FGF10: variants seen among roughly 807,000 people sequenced by gnomAD.
FGF10 encodes the protein FGF-10.
In FGF10, 2 loss-of-function variants were observed where a neutral mutation model predicts 19.8. The ratio of observed to expected loss-of-function variants is 0.10; its 90% CI spans 0.04 to 0.32. The LOEUF is 0.32. FGF10 is among the 10% of genes least tolerant of loss of function. The pLI, the probability that FGF10 is intolerant of heterozygous loss-of-function variation, is 1.00. For missense variants in FGF10, 191 were observed against 246.3 expected (o/e 0.78, Z 1.50); for synonymous variants, 112 against 94.0 (o/e 1.19, Z -1.10).
chr5:44,345,664 T>C (rs1741076407), intron 1 of FGF10, among the ~76,000 whole-genome samples: 1 of 151,464 alleles, frequency 6.6e-6, no homozygotes, highest in African/African-American at 2.4e-5. Flanking sequence ...GAACTTCTAC[T>C]TGCCTTTCAT....
intron 1 of FGF10, among the ~76,000 whole-genome samples, chr5:44,318,058 A>G (rs1372995743): frequency 6.6e-6 from 1 of 152,104 alleles, no homozygotes; most frequent in Non-Finnish European, 1.5e-5. Flanking sequence ...CTTATTCCCA[A>G]CTACCAGCAA....
At chr5:44,355,764 A>G (rs1457637678) in intron 1 of FGF10, among the ~76,000 whole-genome samples, 1 of 151,436 alleles carries the variant, frequency 6.6e-6, no homozygotes, top group Non-Finnish European at 1.5e-5. Flanking sequence ...CTGAGAACAG[A>G]GTGTATTTAT....
chr5:44,325,761 T>C (rs1740601153), intron 1 of FGF10, among the ~76,000 whole-genome samples: 1 of 151,728 alleles, frequency 6.6e-6, no homozygotes, highest in Non-Finnish European at 1.5e-5. Flanking sequence ...TTAGGACATA[T>C]ACCTAATGTA....
chr5:44,351,656 AAG>A (rs1472738671), intron 1 of FGF10, among the ~76,000 whole-genome samples: 1 of 151,696 alleles, frequency 6.6e-6, no homozygotes, highest in Non-Finnish European at 1.5e-5. Flanking sequence ...TGTAAGGAAG[AAG>A]ACTTCCAGAT....
intron 1 of FGF10, among the ~76,000 whole-genome samples, chr5:44,347,130 A>G (rs1416914848): frequency 6.6e-6 from 1 of 151,780 alleles, no homozygotes; most frequent in Admixed American, 6.6e-5. Context: ...ATTTGTAGAA[A>G]AAAATAGATA....
intron 1 of FGF10, among the ~76,000 whole-genome samples, chr5:44,374,791 G>A (rs1488580464): frequency 6.6e-6 from 1 of 151,982 alleles, no homozygotes; most frequent in Non-Finnish European, 1.5e-5. Flanking sequence ...ATTTTAAAGG[G>A]GATAAAGTAA....
chr5:44,364,498 T>C (rs1741562239), intron 1 of FGF10, among the ~76,000 whole-genome samples: 1 of 151,856 alleles, frequency 6.6e-6, no homozygotes, highest in Admixed American at 6.6e-5. Context: ...GGGATGCTGC[T>C]AGATGTGCTA....
intron 1 of FGF10, among the ~76,000 whole-genome samples, chr5:44,324,945 T>C (rs1740576426): frequency 6.6e-6 from 1 of 152,216 alleles, no homozygotes; most frequent in African/African-American, 2.4e-5. Flanking sequence ...AAAAAAACTG[T>C]GTGTAACATA....
intron 1 of FGF10, among the ~76,000 whole-genome samples, chr5:44,349,968 T>G (rs1409943223): frequency 1.3e-5 from 2 of 151,268 alleles, no homozygotes; most frequent in Admixed American, 1.3e-4. Context: ...GTATACTCAA[T>G]AGTGTATGGC....
chr5:44,306,828 A>G (rs1029869946), intron 2 of FGF10, among the ~76,000 whole-genome samples: 1 of 152,200 alleles, frequency 6.6e-6, no homozygotes, highest in African/African-American at 2.4e-5. Context: ...GAAAGTAAGA[A>G]GGAAAGGTAA....
chr5:44,317,029 C>T, intron 1 of FGF10, among the ~76,000 whole-genome samples: 1 of 152,126 alleles, frequency 6.6e-6, no homozygotes, highest in Middle Eastern at 3.2e-3. Flanking sequence ...CCACTTTATC[C>T]TTCACCCTAC....
chr5:44,379,551 C>T (rs1235340522), intron 1 of FGF10, among the ~76,000 whole-genome samples: 1 of 152,164 alleles, frequency 6.6e-6, no homozygotes, highest in East Asian at 1.9e-4. Flanking sequence ...AATCAAAGCC[C>T]ATACTTTTAA....
chr5:44,325,629 A>C (rs1239723103), intron 1 of FGF10, among the ~76,000 whole-genome samples: 6 of 152,006 alleles, frequency 3.9e-5, no homozygotes, highest in African/African-American at 7.2e-5. Flanking sequence ...GCAAACTATC[A>C]CAAGGACAAA....
intron 1 of FGF10, among the ~76,000 whole-genome samples, chr5:44,385,598 A>G (rs1255617189): frequency 6.6e-6 from 1 of 152,192 alleles, no homozygotes; most frequent in African/African-American, 2.4e-5. Context: ...TTGTGTATTG[A>G]GAATAATTAA....
intron 1 of FGF10, among the ~76,000 whole-genome samples, chr5:44,374,549 T>C (rs72764774): frequency 0.012 from 1,778 of 152,316 alleles, 23 homozygotes; most frequent in Middle Eastern, 0.02. Flanking sequence ...TACACTCATA[T>C]TATAGATTAA....
In FGF10 at chr5:44,388,779, G is replaced by C; in HGVS notation, c.-97C>G. ...AGGCAAGGAGAGAGCTCGAGGTGGT[G>C]GCTGCTGGTTAGCTCCCTCTGGGCG... On this transcript the variant is annotated 5_prime_UTR_variant, in exon 1 of 3. Coordinates refer to ENST00000264664, the MANE Select transcript of FGF10 (RefSeq NM_004465.2). The C allele has an allele frequency of 7.7e-7, 1 of 1,296,712 alleles. No homozygotes were observed. The highest frequency in any genetic ancestry group is 1.1e-6 in the Non-Finnish European group (1 of 907,664). 80.3% of individuals were successfully genotyped at this position (1,296,712 alleles called of 1,614,324 possible). A position where few individuals can be genotyped will look rare whatever the true frequency, so the allele number is the denominator to read the frequency against.
In FGF10 at chr5:44,301,736, CTGT is replaced by C. The variant is rs919042933; in HGVS notation, c.*3256_*3258del. On this transcript the variant is annotated 3_prime_UTR_variant, in exon 3 of 3. Coordinates refer to ENST00000264664, the MANE Select transcript of FGF10 (RefSeq NM_004465.2). ...ACAAATGTTTGAGTAATTTTTTTTT[CTGT>C]TGTTGTTGTTTGGGGCTGTGGGGCA... Among the ~76,000 whole-genome samples the C allele has an allele frequency of 7.2e-5, 11 of 151,850 alleles. No individual in the cohort carries two copies. The highest frequency in any genetic ancestry group is 1.9e-4 in the East Asian group (1 of 5,158).
chr5:44,308,135 C>A (rs958008467), intron 2 of FGF10, among the ~76,000 whole-genome samples: 10 of 152,052 alleles, frequency 6.6e-5, no homozygotes, highest in Non-Finnish European at 1.5e-4. Flanking sequence ...AGAAAGCCAC[C>A]GGACTCTACT....
chr5:44,305,279 AGG>A, intron 2 of FGF10, 87 bp from the exon 3 acceptor site: 1 of 1,250,822 alleles, frequency 8.0e-7, no homozygotes, highest in Non-Finnish European at 1.2e-6. Flanking sequence ...CTCCAGTCCA[AGG>A]ATTCTGTTTG....
Sources: allele counts gnomAD v4.1 joint callset (sites outside exome capture counted in the v4.1 genomes callset), GRCh38; gene constraint gnomAD v4.1.1; transcripts MANE v1.5; gene names NCBI Gene and HGNC (gene_info 2026-07-23, HGNC 2026-07-21).